The following MCPH1 variants were observed in gnomAD, a reference collection of about 807,000 sequenced individuals.
The protein encoded by MCPH1 is microcephalin 1.
In MCPH1, 104 loss-of-function variants were observed where a neutral mutation model predicts 84.5. The ratio of observed to expected loss-of-function variants is 1.23; its 90% confidence interval spans 1.05 to 1.45. MCPH1 has a LOEUF of 1.45. Ranked by LOEUF, MCPH1 falls within the 40% of genes most tolerant of loss-of-function variation. The pLI is 0.00. For synonymous variants in MCPH1, 514 were observed against 366.8 expected, an observed-to-expected ratio of 1.40 and a Z score of -4.58; for missense variants, 1,498 against 1,005.7, an observed-to-expected ratio of 1.49 and a Z score of -6.62.
intron 12 of MCPH1, chr8:6,514,832 C>T (rs996918467): frequency 1.8e-5 from 27 of 1,480,796 alleles, no homozygotes; most frequent in African/African-American, 1.7e-4. Context: ...TCCCCCCTTA[C>T]GTAGCAGAAG....
In MCPH1 at chr8:6,646,704, C is replaced by T. The variant is rs1390341798; in HGVS notation, c.*3655C>T. ...TGCACTGTAGAATGTTTAGCTGCATCCTGGCCTCTGCCTATTAGATGCCAG... is the reference window on the plus strand; with the variant it reads ...TGCACTGTAGAATGTTTAGCTGCATTCTGGCCTCTGCCTATTAGATGCCAG... On this transcript the variant is annotated 3_prime_UTR_variant, in exon 14 of 14. Transcript: ENST00000344683. The T allele has an allele frequency of 6.6e-6, 1 of 152,184 alleles. No homozygotes were observed. The highest frequency in any genetic ancestry group is 1.9e-4 in the East Asian group (1 of 5,196). 9.4% of individuals were successfully genotyped at this position (152,184 alleles called of 1,614,324 possible).
intron 12 of MCPH1, among the ~76,000 whole-genome samples, chr8:6,505,352 T>C (rs1388130900): frequency 3.6e-5 from 2 of 55,910 alleles, no homozygotes; most frequent in African/African-American, 1.2e-4. Flanking sequence ...ATATATATTC[T>C]TTCTATATGT....
At chr8:6,578,833 C>T (rs1326122801) in intron 12 of MCPH1, among the ~76,000 whole-genome samples, 1 of 152,188 alleles carries the variant, frequency 6.6e-6, no homozygotes, top group Non-Finnish European at 1.5e-5. Context: ...CACAGAGCTG[C>T]TCTCGGCTCC....
chr8:6,444,118 T>G (rs751096679), intron 7 of MCPH1, among the ~76,000 whole-genome samples: 1 of 152,190 alleles, frequency 6.6e-6, no homozygotes, highest in Admixed American at 6.5e-5. Context: ...AATGTGCACA[T>G]GCATATGGAA....
chr8:6,533,914 G>A (rs986540683), intron 12 of MCPH1, among the ~76,000 whole-genome samples: 1 of 152,106 alleles, frequency 6.6e-6, no homozygotes, highest in Non-Finnish European at 1.5e-5. Context: ...GAGCTTCTTT[G>A]TTGATGCATT....
rs1034325286 is a variant in MCPH1 at position 6,527,892 on chromosome 8, C to T, written c.2214+27963C>T. Among the ~76,000 whole-genome samples, 4 of 120,248 alleles carry T rather than the reference C, an allele frequency of 3.3e-5. No homozygotes were observed. In the East Asian group the frequency reaches 7.2e-4, roughly 22 times the overall value. The allele number at this position is 120,248 out of a possible 152,430, so 78.9% of individuals were successfully genotyped here. ...TTAAACCTTTTTACTCTTTTCCCCA[C>T]GTCTCTATTTTTTTTTTTTTTGAGA... On this transcript the variant is annotated intron_variant, in intron 12 of 13. Transcript: ENST00000344683.
At position 6,647,955 on chromosome 8, in the gene MCPH1, T is replaced by A. The variant is rs891121036; in HGVS notation, c.*4906T>A. The A allele has an allele frequency of 6.6e-6, 1 of 152,164 alleles. No homozygotes were observed. The highest frequency in any genetic ancestry group is 1.5e-5 in the Non-Finnish European group (1 of 68,030). 9.4% of individuals were successfully genotyped at this position (152,164 alleles called of 1,614,324 possible). A position where few individuals can be genotyped will look rare whatever the true frequency, so the allele number is the denominator to read the frequency against. On this transcript the variant is annotated 3_prime_UTR_variant, in exon 14 of 14. Transcript: ENST00000344683. ...AAAAAGAGAGAGAGAGAACGAGAGC[T>A]ACATGGCAGCCCCAGGGCAATAGCT...
chr8:6,552,779 A>G (rs1195289067), intron 12 of MCPH1, among the ~76,000 whole-genome samples: 1 of 152,038 alleles, frequency 6.6e-6, no homozygotes, highest in East Asian at 1.9e-4. Context: ...AATTAAGGCA[A>G]GAGATCACTC....
intron 13 of MCPH1, among the ~76,000 whole-genome samples, chr8:6,623,688 CAAAAAAA>C (rs377522481): frequency 6.1e-4 from 56 of 92,426 alleles, no homozygotes; most frequent in Middle Eastern, 6.3e-3. Context: ...AACCAACTTC[CAAAAAAA>C]AAAAAAAAAA....
At chr8:6,590,963 G>A (rs1166528737) in intron 12 of MCPH1, among the ~76,000 whole-genome samples, 2 of 152,204 alleles carry the variant, frequency 1.3e-5, no homozygotes, top group Non-Finnish European at 1.5e-5. Flanking sequence ...GTCCAATGGC[G>A]CAATCTCGGC....
rs191817175 is a variant in MCPH1 at position 6,537,753 on chromosome 8, T to A, written c.2214+37824T>A. ...TCACCAAGATTGTCATCATTATTTT[T>A]TATACCAAAAGAAAAGTAATCTTGA... is the stretch of plus-strand genomic sequence containing the variant. On this transcript the variant is annotated intron_variant, in intron 12 of 13. Transcript: ENST00000344683. Among the ~76,000 whole-genome samples, 288 of 152,240 alleles carry A rather than the reference T, an allele frequency of 1.9e-3. 3 individuals carry two copies. Among genetic ancestry groups the A allele is most frequent in the African/African-American group, 6.7e-3 (279 of 41,544 alleles).
At chr8:6,493,687 G>A (rs1205819941) in intron 11 of MCPH1, among the ~76,000 whole-genome samples, 1 of 152,138 alleles carries the variant, frequency 6.6e-6, no homozygotes, top group Admixed American at 6.5e-5. Context: ...TGAGGTCCAC[G>A]CTGCTAGTCC....
chr8:6,568,666 C>T (rs1312579491), intron 12 of MCPH1, among the ~76,000 whole-genome samples: 1 of 152,218 alleles, frequency 6.6e-6, no homozygotes, highest in East Asian at 1.9e-4. Flanking sequence ...GGCTCAGACA[C>T]ACTTAAAGGC....
chr8:6,591,195 C>T (rs537585495), intron 12 of MCPH1, among the ~76,000 whole-genome samples: 1 of 152,382 alleles, frequency 6.6e-6, no homozygotes, highest in Admixed American at 6.5e-5. Flanking sequence ...CCACGACCGG[C>T]CAAGGCCTTG....
chr8:6,412,394 T>G (rs188632077), intron 2 of MCPH1, among the ~76,000 whole-genome samples: 2 of 152,350 alleles, frequency 1.3e-5, no homozygotes, highest in East Asian at 3.9e-4. Context: ...TCACCTTTTA[T>G]TTCAAAAATT....
At position 6,643,174 on chromosome 8, in the gene MCPH1, T is replaced by G. The variant is rs900009624; in HGVS notation, c.*125T>G. 6 of 824,098 alleles carry G rather than the reference T, an allele frequency of 7.3e-6. No individual in the cohort carries two copies. The highest frequency in any genetic ancestry group is 1.2e-5 in the Non-Finnish European group (6 of 489,244). The allele number at this position is 824,098 out of a possible 1,614,324, so 51.0% of individuals were successfully genotyped here. On this transcript the variant is annotated 3_prime_UTR_variant, in exon 14 of 14. Coordinates refer to ENST00000344683, the MANE Select transcript of MCPH1 (RefSeq NM_024596.5). ...TACAAGATGACTTCTGATATCATGT[T>G]TGCCATGTGTTGTGGTTCTTAAGAA... is the stretch of plus-strand genomic sequence containing the variant.
chr8:6,486,711 A>G (rs1446285060), intron 11 of MCPH1, among the ~76,000 whole-genome samples: 2 of 152,222 alleles, frequency 1.3e-5, no homozygotes, highest in Non-Finnish European at 2.9e-5. Context: ...TGTCTGGCAG[A>G]TACATGGAAA....
At chr8:6,516,504 C>G (rs1311414982) in intron 12 of MCPH1, among the ~76,000 whole-genome samples, 1 of 152,126 alleles carries the variant, frequency 6.6e-6, no homozygotes, top group East Asian at 1.9e-4. Flanking sequence ...GGTAAATAGG[C>G]CAAAAGTCCC....
chr8:6,620,636 GA>G (rs551378584), intron 12 of MCPH1, among the ~76,000 whole-genome samples: 110 of 152,258 alleles, frequency 7.2e-4, no homozygotes, highest in Middle Eastern at 3.4e-3. Flanking sequence ...AATAAGCAGG[GA>G]AAATACGCAA....
Sources: allele counts gnomAD v4.1 joint callset (sites outside exome capture counted in the v4.1 genomes callset), GRCh38; gene constraint gnomAD v4.1.1; transcripts MANE v1.5; gene names NCBI Gene and HGNC (gene_info 2026-07-23, HGNC 2026-07-21).